The following BTD variants were observed in gnomAD, a reference collection of about 807,000 sequenced individuals.
The protein encoded by BTD is biocytinase.
Under a neutral mutation model 17.7 loss-of-function variants are expected in BTD, and 13 were observed. That is an observed-to-expected ratio of 0.74 (90% CI 0.48 to 1.17). BTD has a LOEUF of 1.17. BTD is among the 50% of genes most tolerant of loss of function. The pLI is 0.00. For synonymous variants in BTD, 240 were observed against 245.2 expected (o/e 0.98, Z 0.20); for missense variants, 674 against 650.4 (o/e 1.04, Z -0.39).
intron 3 of BTD, among the ~76,000 whole-genome samples, chr3:15,695,487 TTTC>T: frequency 6.6e-6 from 1 of 152,254 alleles, no homozygotes; most frequent in Non-Finnish European, 1.5e-5. Context: ...CAACCTCCCT[TTTC>T]TTGTTTTATA....
At chr3:15,713,688 G>T, downstream of BTD, 2 of 1,245,066 alleles carry the variant, frequency 1.6e-6, no homozygotes, top group Non-Finnish European at 1.1e-6. Context: ...ATAAAGATCA[G>T]GTCAAACGTA....
chr3:15,701,639 C>T lies in BTD; in HGVS notation c.400-8421C>T, dbSNP rs148953221. Among the ~76,000 whole-genome samples, 326 of 150,978 alleles carry T rather than the reference C, an allele frequency of 2.2e-3. 2 individuals carry two copies. Among genetic ancestry groups the T allele is most frequent in the Non-Finnish European group, 3.9e-3 (264 of 67,928 alleles). ...AGCCTGGGCAAGAAGATCAAAACTC[C>T]GTCTCAAAAAATAAATAAATAAATA... On this transcript the variant is annotated intron_variant, in intron 3 of 3. Transcript: ENST00000672141.
At chr3:15,677,030 T>A (rs374417222) in intron 3 of BTD, 45 of 1,613,300 alleles carry the variant, frequency 2.8e-5, no homozygotes, top group Non-Finnish European at 3.7e-5. Flanking sequence ...TCTTTTCCAG[T>A]ATTAACAAGG....
chr3:15,658,470 C>T (rs1378498950), downstream of BTD, among the ~76,000 whole-genome samples: 3 of 152,182 alleles, frequency 2.0e-5, no homozygotes, highest in African/African-American at 4.8e-5. Flanking sequence ...TTGCCAGGCA[C>T]TCGGGTATAG....
At chr3:15,693,327 CAGAG>C (rs59750718) in intron 3 of BTD, among the ~76,000 whole-genome samples, 170 of 148,016 alleles carry the variant, frequency 1.1e-3, no homozygotes, top group Middle Eastern at 3.4e-3. Flanking sequence ...AATGGGGGGG[CAGAG>C]AGAGAGAGAG....
chr3:15,693,680 C>T (rs560503443), intron 3 of BTD, among the ~76,000 whole-genome samples: 338 of 152,186 alleles, frequency 2.2e-3, no homozygotes, highest in Non-Finnish European at 3.7e-3. Context: ...GCTATTTCTT[C>T]CATGCTGGCT....
In BTD at chr3:15,602,026, G is replaced by C. The variant is rs1574962193; in HGVS notation, c.-17+132G>C. 7 of 1,495,694 alleles carry C rather than the reference G, an allele frequency of 4.7e-6. No homozygotes were observed. In the East Asian group the frequency reaches 1.7e-4, roughly 36 times the overall value. The allele number at this position is 1,495,694 out of a possible 1,614,324, so 92.7% of individuals were successfully genotyped here. ...CCGGGAGCTGGGAAGCCCGGCGCGC[G>C]TCGTTTGCTGGGGCTGTTTGTGCGT... On this transcript the variant is annotated intron_variant, in intron 1 of 3. Transcript: ENST00000643237.
At chr3:15,632,619 C>T (rs1330247681) in intron 1 of BTD, 1 of 152,290 alleles carries the variant, frequency 6.6e-6, no homozygotes, top group Non-Finnish European at 1.5e-5. Flanking sequence ...GATGGGTCAG[C>T]TGCTGTATTT....
downstream of BTD, among the ~76,000 whole-genome samples, chr3:15,655,391 C>T (rs916530725): frequency 6.6e-6 from 1 of 152,108 alleles, no homozygotes; most frequent in Admixed American, 6.5e-5. Context: ...CAATTAATAC[C>T]ACAAAATGTG....
At position 15,702,073 on chromosome 3, in the gene BTD, C is replaced by T. The variant is rs558782678; in HGVS notation, c.400-7987C>T. Among the ~76,000 whole-genome samples the T allele has an allele frequency of 3.9e-5, 6 of 152,264 alleles. No individual in the cohort carries two copies. The South Asian group carries it at 1.2e-3, about 32-fold the overall frequency. ...GGCATACCTTTCAGATTTTGCTAAA[C>T]AATATAAATTTTCATAATTACTCTG... On this transcript the variant is annotated intron_variant, in intron 3 of 3. Transcript: ENST00000672141.
chr3:15,622,243 T>A (rs1170308819), intron 1 of BTD, among the ~76,000 whole-genome samples: 1 of 152,224 alleles, frequency 6.6e-6, no homozygotes, highest in East Asian at 1.9e-4. Context: ...GAAGTAAAAC[T>A]TTAGACTACT....
At position 15,644,487 on chromosome 3, in the gene BTD, C is replaced by T. The variant is rs372844636; in HGVS notation, c.571C>T (p.Arg191Cys). 17 of 1,613,994 alleles carry T rather than the reference C, an allele frequency of 1.1e-5. No homozygotes were observed. The highest frequency in any genetic ancestry group is 4.0e-5 in the African/African-American group (3 of 74,882). The change falls in exon 4 of 4, where the codon CGT (arginine) becomes TGT (cysteine). Residue 191 changes from arginine (R) to cysteine (C), a missense_variant. Coordinates refer to ENST00000643237, the MANE Select transcript of BTD (RefSeq NM_001370658.1). ...TAATGGAACCCTTGTTGACCGCTAC[C>T]GTAAACACAACCTCTACTTTGAGGC... Reference protein sequence around the residue: ...SNNGTLVDRYRKHNLYFEAAF... With the variant: ...SNNGTLVDRYCKHNLYFEAAF...
At chr3:15,606,937 T>G (rs1382063199) in intron 1 of BTD, 2 of 147,844 alleles carry the variant, frequency 1.4e-5, no homozygotes, top group Non-Finnish European at 3.0e-5. Context: ...CCCTTTTTTT[T>G]GTTGTTGTTT....
Position 15,644,714 on chromosome 3 carries a change from A to C in BTD, c.798A>C (p.Lys266Asn). ...TCTTGGCAGCAATTGAGATTCAGAA[A>C]GCTTTTGCTGTTGCCTTTGGCATCA... Reference protein sequence around the residue: ...LPLLAAIEIQKAFAVAFGINV... With the variant: ...LPLLAAIEIQNAFAVAFGINV... Residue 266 changes from lysine to asparagine, a missense_variant, in exon 4 of 4, where the codon AAA becomes AAC. Physicochemically the swap from Lys to Asn is moderately conservative, Grantham distance 94. Transcript: ENST00000643237. 6.2e-7 allele frequency: 1 copy of C among 1,614,198 alleles called. No homozygotes were observed. The highest frequency in any genetic ancestry group is 8.5e-7 in the Non-Finnish European group (1 of 1,180,036).
rs774052068 is a variant in BTD, at chr3:15,645,452, G to A, written c.1536G>A (p.Thr512=). The A allele has an allele frequency of 4.5e-5, 72 of 1,611,796 alleles. No individual in the cohort carries two copies. The Middle Eastern group carries it at 6.6e-4, about 15-fold the overall frequency. ...RKSRLSSGLV[T]AALYGRLYER... ...GTAGGCTGTCCTCTGGGCTGGTGAC[G>A]GCGGCTCTCTATGGGCGCTTGTATG... Residue 512 remains threonine (T), a synonymous_variant, in exon 4 of 4, where the codon ACG becomes ACA. Coordinates refer to ENST00000643237, the MANE Select transcript of BTD (RefSeq NM_001370658.1).
At chr3:15,670,430 T>C (rs1230629747) in intron 3 of BTD, 1 of 1,613,880 alleles carries the variant, frequency 6.2e-7, no homozygotes, top group East Asian at 2.2e-5. Flanking sequence ...GGTATAACGG[T>C]TAATGGCATT....
At chr3:15,663,341 C>G (rs66995917) in intron 3 of BTD, among the ~76,000 whole-genome samples, 19,271 of 152,188 alleles carry the variant, frequency 0.13, 1,969 homozygotes, top group East Asian at 0.6. Flanking sequence ...TAATGCTGGC[C>G]TCCTTGACCA....
chr3:15,721,001 T>C (rs1305241097), intron 4 of BTD: 8 of 1,613,586 alleles, frequency 5.0e-6, no homozygotes, highest in Non-Finnish European at 6.8e-6. Flanking sequence ...TGCAAAGGAG[T>C]AAATCCTTTT....
chr3:15,704,225 C>T (rs1187505361), intron 3 of BTD, among the ~76,000 whole-genome samples: 1 of 152,062 alleles, frequency 6.6e-6, no homozygotes, highest in Non-Finnish European at 1.5e-5. Context: ...CTTCAGAGGA[C>T]TTGCTGAATG....
Sources: allele counts gnomAD v4.1 joint callset (sites outside exome capture counted in the v4.1 genomes callset), GRCh38; gene constraint gnomAD v4.1.1; transcripts MANE v1.5; gene names NCBI Gene and HGNC (gene_info 2026-07-23, HGNC 2026-07-21).